Variants in GBF1 observed in about 807,000 individuals in gnomAD.
The protein encoded by GBF1 is Golgi-specific brefeldin A-resistance guanine nucleotide exchange factor 1.
Under a neutral mutation model 210.5 loss-of-function variants are expected in GBF1, and 114 were observed. The ratio of observed to expected loss-of-function variants is 0.54; its 90% CI spans 0.47 to 0.63. The LOEUF (loss-of-function observed/expected upper bound fraction) is 0.63, where lower values mean the gene tolerates loss of function less well. Among genes scored for constraint, GBF1 ranks in the 30% least tolerant of loss-of-function variants. The pLI, the probability that GBF1 is intolerant of heterozygous loss-of-function variation, is 0.00. For missense variants in GBF1, 1,851 were observed against 2,357.7 expected, an observed-to-expected ratio of 0.79 and a Z score of 4.45; for synonymous variants, 850 against 889.2, an observed-to-expected ratio of 0.96 and a Z score of 0.78.
At chr10:102,314,617 C>T (rs2078773539) in intron 3 of GBF1, among the ~76,000 whole-genome samples, 1 of 152,144 alleles carries the variant, frequency 6.6e-6, no homozygotes, top group African/African-American at 2.4e-5. Flanking sequence ...ATTACTTCTC[C>T]TGGCTTCAAG....
chr10:102,294,603 G>C (rs2076765055), intron 3 of GBF1, among the ~76,000 whole-genome samples: 1 of 151,620 alleles, frequency 6.6e-6, no homozygotes, highest in African/African-American at 2.4e-5. Context: ...GGATGGTCTC[G>C]ATTTCCTGAC....
chr10:102,258,774 CAAAAAAAAAA>C (rs74634439), intron 1 of GBF1, among the ~76,000 whole-genome samples, 145 bp from the exon 2 acceptor site: 4 of 79,724 alleles, frequency 5.0e-5, no homozygotes, highest in South Asian at 3.4e-4. Flanking sequence ...AACTCTGCCT[CAAAAAAAAAA>C]AAAAAAAAAA....
At chr10:102,249,178 T>C (rs2071195590) in intron 1 of GBF1, among the ~76,000 whole-genome samples, 1 of 152,208 alleles carries the variant, frequency 6.6e-6, no homozygotes, top group Admixed American at 6.5e-5. Flanking sequence ...ATAAACAAAA[T>C]GGGCAGGCCT....
chr10:102,275,011 CTTTTTT>C (rs55784094), intron 3 of GBF1, among the ~76,000 whole-genome samples: 1 of 124,782 alleles, frequency 8.0e-6, no homozygotes, highest in African/African-American at 3.1e-5. Context: ...CGCGCCAGGA[CTTTTTT>C]TTTTTTTTTT....
chr10:102,232,180 C>T, the GBF1 span: 4 of 763,336 alleles, frequency 5.2e-6, no homozygotes, highest in Non-Finnish European at 6.7e-6. Context: ...CGTAAATTCC[C>T]TGGCGCCTTT....
chr10:102,363,434 T>A lies in GBF1; in HGVS notation c.2017+38T>A, dbSNP rs1481285106. The A allele has an allele frequency of 6.3e-7, 1 of 1,576,214 alleles. No homozygotes were observed. The highest frequency in any genetic ancestry group is 8.7e-7 in the Non-Finnish European group (1 of 1,152,956). ...TGTCCATGACCCTAAGCTCCTCACCTGGAGGGCCTGGTGAAGAGCAGAGGG... is the reference window on the plus strand; with the variant it reads ...TGTCCATGACCCTAAGCTCCTCACCAGGAGGGCCTGGTGAAGAGCAGAGGG... On this transcript the variant is annotated intron_variant, in intron 16 of 39. Coordinates refer to ENST00000369983, the MANE Select transcript of GBF1 (RefSeq NM_001377137.1). This position sits in a 1 kb window ranked among gnomAD's most constrained non-coding sequence, Gnocchi z 4.2.
intron 3 of GBF1, among the ~76,000 whole-genome samples, chr10:102,336,046 A>G (rs1292418301): frequency 6.6e-6 from 1 of 152,132 alleles, no homozygotes; most frequent in African/African-American, 2.4e-5. Context: ...TCATGCCTGT[A>G]ATCCCAGCAC....
At chr10:102,310,898 T>C (rs1231572217) in intron 3 of GBF1, among the ~76,000 whole-genome samples, 1 of 152,252 alleles carries the variant, frequency 6.6e-6, no homozygotes, top group Non-Finnish European at 1.5e-5. Context: ...ATATGTGGAC[T>C]TCAGCATTCC....
intron 3 of GBF1, among the ~76,000 whole-genome samples, chr10:102,334,509 T>C (rs2057581397): frequency 6.6e-6 from 1 of 152,104 alleles, no homozygotes; most frequent in South Asian, 2.1e-4. Context: ...GCCTTTGACA[T>C]AGATTATCAG....
intron 3 of GBF1, among the ~76,000 whole-genome samples, chr10:102,333,191 A>G (rs1267722143): frequency 6.6e-6 from 1 of 152,210 alleles, no homozygotes; most frequent in Non-Finnish European, 1.5e-5. Flanking sequence ...AATTGGGCCT[A>G]GTGCATTTCT....
chr10:102,342,225 G>A (rs1321520513), intron 3 of GBF1, among the ~76,000 whole-genome samples: 1 of 151,894 alleles, frequency 6.6e-6, no homozygotes, highest in Non-Finnish European at 1.5e-5. Context: ...TTTTAGTAGA[G>A]ACCAGGTTTC....
At chr10:102,246,071 T>A (rs2070789201) in intron 1 of GBF1, among the ~76,000 whole-genome samples, 1 of 152,224 alleles carries the variant, frequency 6.6e-6, no homozygotes, top group South Asian at 2.1e-4. Flanking sequence ...GCTTCTCCTT[T>A]CCAGCGCTTT....
chr10:102,235,165 T>TC, the GBF1 span, among the ~76,000 whole-genome samples: 6 of 67,280 alleles, frequency 8.9e-5, no homozygotes, highest in African/African-American at 3.4e-4. Context: ...ATTATTACCC[T>TC]TCCCCCACCC....
intron 3 of GBF1, among the ~76,000 whole-genome samples, chr10:102,292,105 G>T (rs962072759): frequency 2.0e-5 from 3 of 151,774 alleles, no homozygotes; most frequent in Non-Finnish European, 2.9e-5. Flanking sequence ...TAGCCAGGAT[G>T]GTCTCGATCT....
In GBF1 at chr10:102,365,407, C is replaced by T. The variant is rs753483030; in HGVS notation, c.2117C>T (p.Thr706Ile). 1 of 1,613,814 alleles carries T rather than the reference C, an allele frequency of 6.2e-7. No individual in the cohort carries two copies. The highest frequency in any genetic ancestry group is 2.2e-5 in the East Asian group (1 of 44,892). Residue 706 changes from threonine (T) to isoleucine (I), a missense_variant, in exon 18 of 40, where the codon ACT becomes ATT. By Grantham distance (89) the Thr-to-Ile change is moderately conservative. Around this residue, in one of 3 missense-constraint regions of GBF1, gnomAD observed 804 missense variants for 958.6 expected, o/e 0.84. Coordinates refer to ENST00000369983, the MANE Select transcript of GBF1 (RefSeq NM_001377137.1). ...EIKNKKKLLITGTEQFNQKPK... is the reference protein window; with the variant it reads ...EIKNKKKLLIIGTEQFNQKPK... The stretch of plus-strand genomic sequence containing the variant: ...GTTTTTCTCATGCAGCTGCTAATCA[C>T]TGGCACAGAGCAGTTCAATCAGAAA...
At position 102,351,353 on chromosome 10, in the gene GBF1, T is replaced by C; in HGVS notation, c.393T>C (p.Val131=). The change falls in exon 5 of 40, where the codon GTT becomes GTC. Residue 131 remains valine (V), a synonymous_variant. Transcript: ENST00000369983. ...GCACGGATCCTGCCAGTGATGAAGT[T>C]GTCCTGATGAAAATCCTTCAGGTAA... ...FVGTDPASDE[V]VLMKILQVLR... is the part of the protein sequence containing the mutation. 1 of 1,594,268 alleles carries C rather than the reference T, an allele frequency of 6.3e-7. No individual in the cohort carries two copies. The highest frequency in any genetic ancestry group is 8.6e-7 in the Non-Finnish European group (1 of 1,161,890).
At chr10:102,303,894 G>A (rs957094606) in intron 3 of GBF1, among the ~76,000 whole-genome samples, 10 of 152,136 alleles carry the variant, frequency 6.6e-5, no homozygotes, top group Non-Finnish European at 1.5e-4. Context: ...GAGGAGGTAG[G>A]GTTGTGCTAT....
At chr10:102,283,324 T>C (rs1179571211) in intron 3 of GBF1, among the ~76,000 whole-genome samples, 1 of 152,218 alleles carries the variant, frequency 6.6e-6, no homozygotes, top group Non-Finnish European at 1.5e-5. Flanking sequence ...CTCTTCTAGT[T>C]GTGTCCAGGC....
intron 29 of GBF1, 144 bp downstream of exon 29, chr10:102,371,004 C>G (rs911204629): frequency 1.3e-6 from 1 of 797,552 alleles, no homozygotes. Flanking sequence ...CTGGTGCAGT[C>G]TAGCGGGTGG....
Sources: gnomAD v4.1 joint callset for allele counts (sites outside exome capture counted in the v4.1 genomes callset) on GRCh38, gnomAD v4.1.1 for gene constraint, gnomAD v4.1.1 regional missense constraint, Gnocchi (gnomAD v3.1) non-coding constraint, MANE v1.5 for transcripts, NCBI Gene and HGNC (gene_info 2026-07-23, HGNC 2026-07-21) for gene names.